The following SYNE3 variants were observed in gnomAD, a reference collection of about 807,000 sequenced individuals.
SYNE3 encodes the protein spectrin repeat containing nuclear envelope family member 3, also known as nesprin-3.
In SYNE3, 100 loss-of-function variants were observed where a neutral mutation model predicts 111.2. The observed-to-expected ratio is 0.90, with a 90% CI of 0.77 to 1.06. The LOEUF (loss-of-function observed/expected upper bound fraction) is 1.06. SYNE3 is among the 50% of genes least tolerant of loss of function. SYNE3 has a pLI of 0.00. For missense variants in SYNE3, 1,160 were observed against 1,240.3 expected, an observed-to-expected ratio of 0.94 and a Z score of 0.97; for synonymous variants, 547 against 533.9, an observed-to-expected ratio of 1.02 and a Z score of -0.34.
In SYNE3 at chr14:95,475,121, C is replaced by T. The variant is rs529116198; in HGVS notation, c.144+557G>A. 4.6e-5 allele frequency among the ~76,000 whole-genome samples: 7 copies of T among 152,356 alleles called. No homozygotes were observed. The East Asian group carries it at 7.7e-4, about 17-fold the overall frequency. Reference sequence around the variant, plus strand: ...GACCCACCCTCAGACAGGGGCACCACGATGCCAGGCCAGGCACTGGGCACC... The same window carrying T: ...GACCCACCCTCAGACAGGGGCACCATGATGCCAGGCCAGGCACTGGGCACC... On this transcript the variant is annotated intron_variant, in intron 2 of 17. Transcript: ENST00000682763.
In SYNE3 at chr14:95,410,068, AG is replaced by A. The variant is rs1903394669; in HGVS notation, c.*7757del. The A allele has an allele frequency of 3.3e-5, 5 of 153,190 alleles. 1 individual carries two copies. Among genetic ancestry groups the A allele is most frequent in the African/African-American group, 9.6e-5 (4 of 41,472 alleles). 9.5% of individuals were successfully genotyped at this position (153,190 alleles called of 1,614,324 possible). A position where few individuals can be genotyped will look rare whatever the true frequency, so the allele number is the denominator to read the frequency against. ...TGCTCACCGCCAGGACAAAGACGGG[AG>A]GGGCTGTTCCTGCACAAAAACTCTG... On this transcript the variant is annotated 3_prime_UTR_variant, in exon 18 of 18. Transcript: ENST00000682763.
chr14:95,432,234 A>G, intron 16 of SYNE3, 117 bp from the exon 17 acceptor site: 1 of 1,262,446 alleles, frequency 7.9e-7, no homozygotes. Flanking sequence ...GTGTTTCTTT[A>G]AAACTTCTGG....
In SYNE3 at chr14:95,408,162, G is replaced by A. The variant is rs1390268002; in HGVS notation, c.*9664C>T. On this transcript the variant is annotated 3_prime_UTR_variant, in exon 18 of 18. Coordinates refer to ENST00000682763, the MANE Select transcript of SYNE3 (RefSeq NM_152592.6). ...TCCAGGATGGGTTCTGAGGAGACAT[G>A]GGGCCCTCCCATGGGACGGATGACA... 2 of 152,098 alleles carry A rather than the reference G, an allele frequency of 1.3e-5. No homozygotes were observed. Among genetic ancestry groups the A allele is most frequent in the African/African-American group, 4.8e-5 (2 of 41,416 alleles). The allele number at this position is 152,098 out of a possible 1,614,324, so 9.4% of individuals were successfully genotyped here. A position where few individuals can be genotyped will look rare whatever the true frequency, so the allele number is the denominator to read the frequency against.
chr14:95,466,396 G>A (rs1047487416), intron 3 of SYNE3, among the ~76,000 whole-genome samples, 156 bp from the exon 4 acceptor site: 3 of 152,256 alleles, frequency 2.0e-5, no homozygotes, highest in Admixed American at 6.5e-5. Flanking sequence ...GCAGCTTGTT[G>A]ACACTCCAGA....
At chr14:95,501,952 A>C (rs1434339259) in intron 1 of SYNE3, among the ~76,000 whole-genome samples, 3 of 152,156 alleles carry the variant, frequency 2.0e-5, no homozygotes, top group African/African-American at 7.2e-5. Context: ...GAAGGATAGC[A>C]CAGGGGCTCT....
At chr14:95,504,177 A>G (rs1890440943) in intron 1 of SYNE3, among the ~76,000 whole-genome samples, 1 of 152,230 alleles carries the variant, frequency 6.6e-6, no homozygotes, top group South Asian at 2.1e-4. Flanking sequence ...TTTTATTGGA[A>G]CACAACCAAC....
intron 1 of SYNE3, among the ~76,000 whole-genome samples, chr14:95,514,646 C>T (rs1322948632): frequency 6.6e-6 from 1 of 152,274 alleles, no homozygotes; most frequent in Non-Finnish European, 1.5e-5. Flanking sequence ...GGGAAGGACG[C>T]TGAAGCTCTG....
chr14:95,463,965 A>G (rs1566671055), intron 4 of SYNE3, among the ~76,000 whole-genome samples: 1 of 152,138 alleles, frequency 6.6e-6, no homozygotes. Flanking sequence ...AGCCCCCACA[A>G]CCTGGGTGCA....
At chr14:95,475,258 T>C (rs1226993921) in intron 2 of SYNE3, among the ~76,000 whole-genome samples, 1 of 152,176 alleles carries the variant, frequency 6.6e-6, no homozygotes, top group Non-Finnish European at 1.5e-5. Flanking sequence ...TCCCCGCTCC[T>C]CTGGAGGAAG....
chr14:95,447,154 G>A (rs1267242042), intron 8 of SYNE3, among the ~76,000 whole-genome samples: 1 of 126,016 alleles, frequency 7.9e-6, no homozygotes, highest in Non-Finnish European at 1.7e-5. Context: ...TTTTTTTTGA[G>A]CTGGAGTCTC....
Position 95,485,056 on chromosome 14 carries a change from G to A in SYNE3, c.-14-9221C>T, listed in dbSNP as rs926099453. On this transcript the variant is annotated intron_variant, in intron 1 of 17. Transcript: ENST00000682763. The surrounding 1 kb of genome is among the most constrained non-coding windows in gnomAD (Gnocchi z 4.3). Reference sequence around the variant, plus strand: ...CTGCTGCTCCAGGACCTCACTTTGAGAACCATGGGCTTGGAGGATGTCTCA... The same window carrying A: ...CTGCTGCTCCAGGACCTCACTTTGAAAACCATGGGCTTGGAGGATGTCTCA... Among the ~76,000 whole-genome samples, 1 of 152,122 alleles carries A rather than the reference G, an allele frequency of 6.6e-6. No individual in the cohort carries two copies. The highest frequency in any genetic ancestry group is 6.5e-5 in the Admixed American group (1 of 15,280).
At chr14:95,438,880 A>G in intron 14 of SYNE3, 153 bp downstream of exon 14, 2 of 1,091,488 alleles carry the variant, frequency 1.8e-6, no homozygotes, top group Non-Finnish European at 2.7e-6. Context: ...CTTTGGCCAC[A>G]GCTGGGGCAG....
At chr14:95,467,602 T>A (rs1255829967) in intron 3 of SYNE3, among the ~76,000 whole-genome samples, 193 bp downstream of exon 3, 1 of 152,248 alleles carries the variant, frequency 6.6e-6, no homozygotes. Flanking sequence ...GGGTTCCCAG[T>A]GTCTATTATC....
intron 7 of SYNE3, chr14:95,450,801 C>T (rs1408594854): frequency 6.6e-6 from 1 of 152,142 alleles, no homozygotes; most frequent in Non-Finnish European, 1.5e-5. Context: ...TATTAACAAG[C>T]CTCAGTTTTC....
chr14:95,469,416 C>T (rs1443295860), intron 2 of SYNE3, among the ~76,000 whole-genome samples: 1 of 151,138 alleles, frequency 6.6e-6, no homozygotes, highest in East Asian at 1.9e-4. Flanking sequence ...CACTTTTATC[C>T]AGGTACAGTG....
intron 9 of SYNE3, among the ~76,000 whole-genome samples, chr14:95,445,421 T>C (rs1766340648): frequency 6.6e-6 from 1 of 152,252 alleles, no homozygotes. Context: ...CCATAGATCA[T>C]AGTTATTATT....
At chr14:95,486,782 G>T (rs1360933405) in intron 1 of SYNE3, among the ~76,000 whole-genome samples, 4 of 151,996 alleles carry the variant, frequency 2.6e-5, no homozygotes, top group East Asian at 3.8e-4. Flanking sequence ...AAAATATAGG[G>T]TTTACACTTT....
At chr14:95,516,566 G>A (rs1428737524) in intron 1 of SYNE3, among the ~76,000 whole-genome samples, 30 bp downstream of exon 1, 1 of 127,578 alleles carries the variant, frequency 7.8e-6, no homozygotes, top group Non-Finnish European at 1.8e-5. Context: ...CCCGGCCCCA[G>A]GCCTGGCCTC....
intron 17 of SYNE3, among the ~76,000 whole-genome samples, chr14:95,426,813 A>G (rs947390254): frequency 2.0e-5 from 3 of 151,718 alleles, no homozygotes; most frequent in Admixed American, 6.6e-5. Context: ...GCGTGGTGGC[A>G]GGCGCCTGTA....
Sources: gnomAD v4.1 joint callset for allele counts (sites outside exome capture counted in the v4.1 genomes callset) on GRCh38, gnomAD v4.1.1 for gene constraint, Gnocchi (gnomAD v3.1) non-coding constraint, MANE v1.5 for transcripts, NCBI Gene and HGNC (gene_info 2026-07-23, HGNC 2026-07-21) for gene names.